Variants in KIAA1549L observed in about 807,000 individuals in gnomAD.
The protein encoded by KIAA1549L is KIAA1549 like, also known as UPF0606 protein KIAA1549L.
A neutral mutation model predicts 160.7 loss-of-function variants in KIAA1549L; 88 were observed. The ratio of observed to expected loss-of-function variants is 0.55; its 90% CI spans 0.46 to 0.65. The LOEUF (loss-of-function observed/expected upper bound fraction) is 0.65, where lower values mean the gene tolerates loss of function less well. KIAA1549L is among the 30% of genes least tolerant of loss of function. KIAA1549L has a pLI of 0.00. For synonymous variants in KIAA1549L, 950 were observed against 976.7 expected, an observed-to-expected ratio of 0.97 and a Z score of 0.51; for missense variants, 2,258 against 2,437.5, an observed-to-expected ratio of 0.93 and a Z score of 1.55.
chr11:33,551,682 G>A (rs1321680760), intron 5 of KIAA1549L, among the ~76,000 whole-genome samples: 1 of 152,078 alleles, frequency 6.6e-6, no homozygotes, highest in African/African-American at 2.4e-5. Flanking sequence ...ACTCTCTGGT[G>A]ATTTCGGGTC....
chr11:33,672,970 A>C lies in KIAA1549L; in HGVS notation c.*4816A>C, dbSNP rs1852708528. The stretch of plus-strand genomic sequence containing the variant: ...TGAAACAAAATTGGTTTCAAGTGAA[A>C]CTTACATTATTTTTTGGCTGTGACC... On this transcript the variant is annotated 3_prime_UTR_variant, in exon 21 of 21. Transcript: ENST00000658780. 1 of 153,464 alleles carries C rather than the reference A, an allele frequency of 6.5e-6. No homozygotes were observed. Among genetic ancestry groups the C allele is most frequent in the African/African-American group, 2.4e-5 (1 of 41,436 alleles). 9.5% of individuals were successfully genotyped at this position (153,464 alleles called of 1,614,324 possible). A position where few individuals can be genotyped will look rare whatever the true frequency, so the allele number is the denominator to read the frequency against.
rs1852687805 is a variant in KIAA1549L, at chr11:33,672,054, C to T, written c.*3900C>T. On this transcript the variant is annotated 3_prime_UTR_variant, in exon 21 of 21. Transcript: ENST00000658780. ...TAGAAACCCTTTCACACTTGAAGTGCAGGTGTTGGCTGAAAGAATAGAGGG... is the reference window on the plus strand; with the variant it reads ...TAGAAACCCTTTCACACTTGAAGTGTAGGTGTTGGCTGAAAGAATAGAGGG... 6.6e-6 allele frequency: 1 copy of T among 152,202 alleles called. No individual in the cohort carries two copies. The highest frequency in any genetic ancestry group is 1.5e-5 in the Non-Finnish European group (1 of 68,028). The allele number at this position is 152,202 out of a possible 1,614,324, so 9.4% of individuals were successfully genotyped here.
chr11:33,551,930 A>G (rs1024919441), intron 5 of KIAA1549L, among the ~76,000 whole-genome samples, 178 bp from the exon 6 acceptor site: 3 of 152,242 alleles, frequency 2.0e-5, no homozygotes, highest in African/African-American at 7.2e-5. Flanking sequence ...CTTCTGTGTT[A>G]TATAATTCAT....
At chr11:33,386,702 C>A (rs563571984) in intron 1 of KIAA1549L, among the ~76,000 whole-genome samples, 1 of 150,622 alleles carries the variant, frequency 6.6e-6, no homozygotes, top group Non-Finnish European at 1.5e-5. Flanking sequence ...TTTCTAACAA[C>A]GGCCAGGCCA....
chr11:33,649,308 C>T (rs1171016728), intron 17 of KIAA1549L, among the ~76,000 whole-genome samples: 1 of 145,220 alleles, frequency 6.9e-6, no homozygotes, highest in African/African-American at 2.7e-5. Flanking sequence ...TAAGACAAGC[C>T]CTGAGCAATA....
Position 33,376,372 on chromosome 11 carries a change from C to T in KIAA1549L, c.-280C>T, listed in dbSNP as rs2134023408. 6.8e-6 allele frequency: 1 copy of T among 148,136 alleles called. No individual in the cohort carries two copies. Among genetic ancestry groups the T allele is most frequent in the East Asian group, 2.0e-4 (1 of 4,986 alleles). The allele number at this position is 148,136 out of a possible 1,614,324, so 9.2% of individuals were successfully genotyped here. On this transcript the variant is annotated 5_prime_UTR_variant, in exon 1 of 21. Coordinates refer to ENST00000658780, the MANE Select transcript of KIAA1549L (RefSeq NM_012194.3). The surrounding 1 kb of genome is among the most constrained non-coding windows in gnomAD (Gnocchi z 5.8). ...GGCGGCGCCCGTCCCACCCTCGCCGCCCCAATCGCGCCGGCGCGCGGCGAC... is the reference window on the plus strand; with the variant it reads ...GGCGGCGCCCGTCCCACCCTCGCCGTCCCAATCGCGCCGGCGCGCGGCGAC...
intron 1 of KIAA1549L, among the ~76,000 whole-genome samples, chr11:33,382,073 G>C (rs976447511): frequency 1.3e-5 from 2 of 152,132 alleles, no homozygotes; most frequent in Non-Finnish European, 2.9e-5. Context: ...AGGTCCTAAG[G>C]CATACATTTT....
chr11:33,584,053 A>G (rs1855732006), intron 11 of KIAA1549L, among the ~76,000 whole-genome samples: 1 of 152,172 alleles, frequency 6.6e-6, no homozygotes, highest in South Asian at 2.1e-4. Flanking sequence ...CAGGAATGAG[A>G]TTAATGCCCT....
chr11:33,661,456 A>G (rs1038102071), intron 20 of KIAA1549L, among the ~76,000 whole-genome samples: 6 of 152,242 alleles, frequency 3.9e-5, no homozygotes, highest in Non-Finnish European at 8.8e-5. Context: ...CCACACAGCT[A>G]GGAAGGAAAT....
rs143855409 is a variant in KIAA1549L, at chr11:33,497,330, A to G, written c.239-44472A>G. ...ATGCAGCCTCAACATTCACCAACTA[A>G]CTTAAGTTGCCATGCCCCAAAATGT... On this transcript the variant is annotated intron_variant, in intron 1 of 20. Transcript: ENST00000658780. 4.5e-4 allele frequency among the ~76,000 whole-genome samples: 69 copies of G among 152,252 alleles called. No homozygotes were observed. The East Asian group carries it at 0.012, about 26-fold the overall frequency.
chr11:33,507,153 A>C lies in KIAA1549L; in HGVS notation c.239-34649A>C, dbSNP rs111847255. Among the ~76,000 whole-genome samples, 195 of 152,268 alleles carry C rather than the reference A, an allele frequency of 1.3e-3. 4 individuals are homozygous for C. Among genetic ancestry groups the C allele is most frequent in the African/African-American group, 4.5e-3 (188 of 41,558 alleles). ...ATCGTGACTCCCTAAAATACCACCA[A>C]ATCCCTTGCTGCTAAGGCAAGGCCG... On this transcript the variant is annotated intron_variant, in intron 1 of 20. Coordinates refer to ENST00000658780, the MANE Select transcript of KIAA1549L (RefSeq NM_012194.3).
intron 17 of KIAA1549L, among the ~76,000 whole-genome samples, chr11:33,654,776 A>G (rs1852007587): frequency 6.6e-6 from 1 of 152,236 alleles, no homozygotes; most frequent in African/African-American, 2.4e-5. Flanking sequence ...GTAGGGGAAT[A>G]GTCCCTTGGG....
In KIAA1549L at chr11:33,523,743, G is replaced by A. The variant is rs573493048; in HGVS notation, c.239-18059G>A. 1.4e-4 allele frequency among the ~76,000 whole-genome samples: 21 copies of A among 152,206 alleles called. No homozygotes were observed. The South Asian group carries it at 4.4e-3, about 32-fold the overall frequency. On this transcript the variant is annotated intron_variant, in intron 1 of 20. Coordinates refer to ENST00000658780, the MANE Select transcript of KIAA1549L (RefSeq NM_012194.3). ...GTATGTGCTTATGTTGACTGTTGTG[G>A]ACTTGATAAAATTATTACGTATTAA...
At chr11:33,471,475 T>G (rs1476493903) in intron 1 of KIAA1549L, among the ~76,000 whole-genome samples, 5 of 152,200 alleles carry the variant, frequency 3.3e-5, no homozygotes. Context: ...TAATCATCCC[T>G]TCTTCTCTCT....
intron 1 of KIAA1549L, among the ~76,000 whole-genome samples, chr11:33,505,654 A>C (rs906614267): frequency 6.6e-6 from 1 of 152,176 alleles, no homozygotes; most frequent in Non-Finnish European, 1.5e-5. Flanking sequence ...GTCTGAGCAA[A>C]GCAATGGGAC....
chr11:33,454,933 C>CA (rs919245120), intron 1 of KIAA1549L, among the ~76,000 whole-genome samples: 26 of 151,924 alleles, frequency 1.7e-4, no homozygotes, highest in East Asian at 3.9e-4. Context: ...ACTAAAAATA[C>CA]AAAAAAATAG....
intron 1 of KIAA1549L, among the ~76,000 whole-genome samples, chr11:33,405,839 CAAAAAAAAA>C (rs35479859): frequency 1.5e-5 from 1 of 68,872 alleles, no homozygotes; most frequent in South Asian, 7.8e-4. Flanking sequence ...CAGTCTGTCT[CAAAAAAAAA>C]AAAAAAAAAA....
rs572840111 is a variant in KIAA1549L at position 33,389,167 on chromosome 11, A to G, written c.238+12278A>G. Among the ~76,000 whole-genome samples the G allele has an allele frequency of 4.6e-5, 7 of 152,380 alleles. No homozygotes were observed. The East Asian group carries it at 7.7e-4, about 17-fold the overall frequency. ...ATACTTCTAACTTCAGTCTTTCCAC[A>G]TGAAATATGGAATGAAGTATCTAGA... On this transcript the variant is annotated intron_variant, in intron 1 of 20. Coordinates refer to ENST00000658780, the MANE Select transcript of KIAA1549L (RefSeq NM_012194.3).
In KIAA1549L at chr11:33,618,666, A is replaced by C; in HGVS notation, c.5409+4A>C. On this transcript the variant is annotated splice_donor_region_variant and intron_variant, in intron 16 of 20. Coordinates refer to ENST00000658780, the MANE Select transcript of KIAA1549L (RefSeq NM_012194.3). ...AATCCGCAACAGCGGATACGATGTG[A>C]GTCTCTGGTGGGCTGGGTAAATACA... The C allele has an allele frequency of 6.3e-7, 1 of 1,577,034 alleles. No homozygotes were observed. The highest frequency in any genetic ancestry group is 8.6e-7 in the Non-Finnish European group (1 of 1,158,712).
Sources: gnomAD v4.1 joint callset for allele counts (sites outside exome capture counted in the v4.1 genomes callset) on GRCh38, gnomAD v4.1.1 for gene constraint, Gnocchi (gnomAD v3.1) non-coding constraint, MANE v1.5 for transcripts, NCBI Gene and HGNC (gene_info 2026-07-23, HGNC 2026-07-21) for gene names.